Variants in KCNIP4 observed in about 807,000 individuals in gnomAD.
KCNIP4 encodes the protein Kv channel-interacting protein 4.
A neutral mutation model predicts 34.0 loss-of-function variants in KCNIP4; 12 were observed. The observed-to-expected ratio is 0.35, with a 90% CI of 0.23 to 0.57. KCNIP4 has a LOEUF of 0.57. KCNIP4 is among the 20% of genes least tolerant of loss of function. KCNIP4 has a pLI of 0.83. For synonymous variants in KCNIP4, 124 were observed against 102.2 expected (o/e 1.21, Z -1.29); for missense variants, 238 against 311.7 (o/e 0.76, Z 1.78).
At chr4:21,469,035 T>C (rs949969975) in intron 1 of KCNIP4, among the ~76,000 whole-genome samples, 1 of 152,014 alleles carries the variant, frequency 6.6e-6, no homozygotes, top group Admixed American at 6.6e-5. Context: ...TTCTATTATA[T>C]TATTATATAC....
chr4:21,175,411 CTA>C (rs965913012), intron 1 of KCNIP4, among the ~76,000 whole-genome samples: 4 of 152,124 alleles, frequency 2.6e-5, no homozygotes, highest in African/African-American at 9.7e-5. Context: ...GTTCTGACCC[CTA>C]TGTCTATTAC....
intron 1 of KCNIP4, among the ~76,000 whole-genome samples, chr4:21,155,952 C>A (rs1042461332): frequency 3.3e-5 from 5 of 152,068 alleles, no homozygotes; most frequent in Admixed American, 3.3e-4. Flanking sequence ...TGCTTCAACC[C>A]TCGAAAAATT....
At chr4:21,632,953 G>A (rs993838768) in intron 1 of KCNIP4, among the ~76,000 whole-genome samples, 2 of 152,096 alleles carry the variant, frequency 1.3e-5, no homozygotes, top group Admixed American at 1.3e-4. Flanking sequence ...CTTATACTGA[G>A]GTTATATTTA....
chr4:21,196,555 C>A (rs778594233), intron 1 of KCNIP4, among the ~76,000 whole-genome samples: 5 of 152,190 alleles, frequency 3.3e-5, no homozygotes, highest in Non-Finnish European at 1.5e-5. Flanking sequence ...AGACTGGCTT[C>A]ATGGGTGTGC....
At chr4:21,948,401 C>A (rs1730623359) in intron 1 of KCNIP4, among the ~76,000 whole-genome samples, 170 bp downstream of exon 1, 1 of 152,120 alleles carries the variant, frequency 6.6e-6, no homozygotes, top group Non-Finnish European at 1.5e-5. Flanking sequence ...CTCCTTTGCA[C>A]CCCATTCCTG....
At chr4:21,099,309 C>T (rs12640310) in intron 1 of KCNIP4, among the ~76,000 whole-genome samples, 24,221 of 151,962 alleles carry the variant, frequency 0.16, 2,029 homozygotes, top group East Asian at 0.23. Flanking sequence ...TAAGATCATG[C>T]CCTTTGCACG....
chr4:21,305,269 A>G lies in KCNIP4; in HGVS notation c.62-422560T>C, dbSNP rs114034494. On this transcript the variant is annotated intron_variant, in intron 1 of 8. Coordinates refer to ENST00000382152, the MANE Select transcript of KCNIP4 (RefSeq NM_025221.6). ...TTTTGAGGCAGTGGAGTATAAGTTT[A>G]GAATATAAACTCCAGGGACAGACTG... Among the ~76,000 whole-genome samples, 410 of 152,270 alleles carry G rather than the reference A, an allele frequency of 2.7e-3. 3 individuals are homozygous for G. Among genetic ancestry groups the G allele is most frequent in the Admixed American group, 4.3e-3 (66 of 15,300 alleles).
intron 1 of KCNIP4, among the ~76,000 whole-genome samples, chr4:21,260,425 T>G (rs1236408241): frequency 6.6e-6 from 1 of 152,184 alleles, no homozygotes; most frequent in East Asian, 1.9e-4. Context: ...CAAACATTTT[T>G]GCGTTGTTTA....
chr4:20,951,395 G>A (rs1002129185), intron 1 of KCNIP4, among the ~76,000 whole-genome samples: 13 of 152,170 alleles, frequency 8.5e-5, no homozygotes, highest in Admixed American at 1.3e-4. Flanking sequence ...AGAAGTATTA[G>A]ATGAATTATT....
intron 3 of KCNIP4, among the ~76,000 whole-genome samples, chr4:20,841,987 C>T (rs898131213): frequency 6.6e-6 from 1 of 152,098 alleles, no homozygotes; most frequent in African/African-American, 2.4e-5. Context: ...CTAGCCGCCC[C>T]ATCGAAAGAA....
chr4:20,881,132 C>A (rs904804716), intron 2 of KCNIP4, among the ~76,000 whole-genome samples: 13 of 152,096 alleles, frequency 8.5e-5, no homozygotes, highest in Admixed American at 6.5e-5. Flanking sequence ...CAGTGACATA[C>A]AATAAATATT....
At chr4:21,674,017 C>T (rs1749695221) in intron 1 of KCNIP4, among the ~76,000 whole-genome samples, 1 of 152,088 alleles carries the variant, frequency 6.6e-6, no homozygotes, top group Non-Finnish European at 1.5e-5. Flanking sequence ...TGTTTGAAAA[C>T]AAAAATGAAG....
chr4:20,999,431 G>GTTT (rs1560634221), intron 1 of KCNIP4, among the ~76,000 whole-genome samples: 3 of 31,762 alleles, frequency 9.4e-5, no homozygotes, highest in African/African-American at 1.9e-4. Context: ...TTTTTTGTTT[G>GTTT]TTTTTTGTTT....
intron 1 of KCNIP4, among the ~76,000 whole-genome samples, chr4:21,101,259 C>A (rs1380452012): frequency 1.3e-5 from 2 of 152,124 alleles, no homozygotes; most frequent in Non-Finnish European, 2.9e-5. Context: ...GCCTCCAGGT[C>A]TCTCCATGTT....
chr4:21,766,546 G>C (rs537104341), intron 1 of KCNIP4, among the ~76,000 whole-genome samples: 5 of 152,028 alleles, frequency 3.3e-5, no homozygotes, highest in African/African-American at 1.2e-4. Context: ...GAATTTCCTC[G>C]ACTGGTGAAC....
intron 1 of KCNIP4, among the ~76,000 whole-genome samples, chr4:20,980,563 A>T (rs1317368792): frequency 6.6e-6 from 1 of 152,204 alleles, no homozygotes; most frequent in Non-Finnish European, 1.5e-5. Context: ...GTCTAATTCT[A>T]GTCAACATTA....
rs1727346777 is a variant in KCNIP4 at position 21,895,730 on chromosome 4, TG to T, written c.61+52840del. On this transcript the variant is annotated intron_variant, in intron 1 of 8. Transcript: ENST00000382152. ...ACAGGAAAGTGATTACACTATACTT[TG>T]CATGAACAAAAAGGAGCTAATTAGA... Among the ~76,000 whole-genome samples, 3 of 152,182 alleles carry T rather than the reference TG, an allele frequency of 2.0e-5. No homozygotes were observed. The South Asian group carries it at 6.2e-4, about 32-fold the overall frequency.
At chr4:21,765,188 C>A (rs1222809328) in intron 1 of KCNIP4, among the ~76,000 whole-genome samples, 1 of 147,432 alleles carries the variant, frequency 6.8e-6, no homozygotes, top group Non-Finnish European at 1.5e-5. Flanking sequence ...CAGAGTCTTG[C>A]TCTGTCACCC....
intron 3 of KCNIP4, chr4:20,850,339 G>T: frequency 2.2e-6 from 1 of 463,818 alleles, no homozygotes; most frequent in Non-Finnish European, 3.8e-6. Flanking sequence ...TTTGTTTAAT[G>T]GGCAATCACA....
Sources: allele counts gnomAD v4.1 joint callset (sites outside exome capture counted in the v4.1 genomes callset), GRCh38; gene constraint gnomAD v4.1.1; transcripts MANE v1.5; gene names NCBI Gene and HGNC (gene_info 2026-07-23, HGNC 2026-07-21).